Variants in GSTM2 observed in about 807,000 individuals in gnomAD.
The protein encoded by GSTM2 is glutathione S-transferase mu 2.
In GSTM2, 33 loss-of-function variants were observed where a neutral mutation model predicts 33.3. The observed-to-expected ratio is 0.99, with a 90% CI of 0.75 to 1.33. The LOEUF is 1.33. Ranked by LOEUF, GSTM2 falls within the 40% of genes most tolerant of loss-of-function variation. The pLI is 0.00. For missense variants in GSTM2, 213 were observed against 265.8 expected (o/e 0.80, Z 1.38); for synonymous variants, 93 against 95.6 (o/e 0.97, Z 0.16).
At chr1:109,669,623 C>T in intron 5 of GSTM2, 52 bp downstream of exon 5, 1 of 1,134,630 alleles carries the variant, frequency 8.8e-7, no homozygotes, top group South Asian at 1.3e-5. Flanking sequence ...CCCAGTCTCC[C>T]CTTTCCCTGC....
chr1:109,669,130 A>G, intron 3 of GSTM2, 141 bp downstream of exon 3: 4 of 1,261,676 alleles, frequency 3.2e-6, no homozygotes, highest in Admixed American at 1.7e-5. Flanking sequence ...CAGCCCTTGC[A>G]TGATGTTCTG....
At chr1:109,669,706 C>A in intron 5 of GSTM2, 135 bp downstream of exon 5, 1 of 634,230 alleles carries the variant, frequency 1.6e-6, no homozygotes, top group South Asian at 1.9e-5. Context: ...AAGCCGCGGT[C>A]CTACACGGTG....
chr1:109,677,825 C>T (rs1487036693), downstream of GSTM2, among the ~76,000 whole-genome samples: 1 of 152,190 alleles, frequency 6.6e-6, no homozygotes, highest in Non-Finnish European at 1.5e-5. Context: ...GGCCTGTGCA[C>T]TGCATGTGTA....
chr1:109,668,389 C>G, intron 1 of GSTM2, 36 bp from the exon 2 acceptor site: 4 of 1,606,350 alleles, frequency 2.5e-6, no homozygotes, highest in Non-Finnish European at 3.4e-6. Context: ...CAGGGACCCT[C>G]CATCTCTGAC....
At chr1:109,677,310 A>G (rs913965805), downstream of GSTM2, among the ~76,000 whole-genome samples, 2 of 152,212 alleles carry the variant, frequency 1.3e-5, no homozygotes, top group African/African-American at 4.8e-5. Flanking sequence ...ACCCTACAGG[A>G]ATGAGTCCTA....
intron 2 of GSTM2, 135 bp downstream of exon 2, chr1:109,668,635 T>G: frequency 2.8e-6 from 3 of 1,061,872 alleles, no homozygotes; most frequent in African/African-American, 1.6e-5. Context: ...TGAGCCCTGG[T>G]GAGGGAGCTC....
At chr1:109,668,758 G>A (rs1647421794) in intron 2 of GSTM2, 167 bp from the exon 3 acceptor site, 3 of 886,530 alleles carry the variant, frequency 3.4e-6, no homozygotes, top group East Asian at 2.6e-5. Context: ...GGGGTCCAGA[G>A]CCCTCACTGG....
intron 3 of GSTM2, 86 bp downstream of exon 3, chr1:109,669,075 A>T: frequency 1.4e-6 from 2 of 1,463,252 alleles, no homozygotes; most frequent in Non-Finnish European, 1.9e-6. Flanking sequence ...AGGTGTTAAG[A>T]TCAGGAGTCT....
intron 7 of GSTM2, chr1:109,673,262 T>C: frequency 6.2e-6 from 10 of 1,611,344 alleles, no homozygotes; most frequent in Non-Finnish European, 8.5e-6. Flanking sequence ...GACCTTCTCC[T>C]CTGCATGAGG....
At chr1:109,679,101 G>T (rs1364463450), downstream of GSTM2, among the ~76,000 whole-genome samples, 1 of 151,936 alleles carries the variant, frequency 6.6e-6, no homozygotes, top group East Asian at 1.9e-4. Context: ...AAGGTACACG[G>T]ATCATTCTGC....
chr1:109,670,229 T>C (rs1190351713), intron 5 of GSTM2: 1 of 152,380 alleles, frequency 6.6e-6, no homozygotes, highest in African/African-American at 2.4e-5. Context: ...TACAGAGTGC[T>C]GATTGGTGCG....
At chr1:109,671,710 G>C in intron 7 of GSTM2, 127 bp downstream of exon 7, 1 of 726,004 alleles carries the variant, frequency 1.4e-6, no homozygotes. Context: ...GCTCACGCCT[G>C]TAATCTCAGC....
chr1:109,669,813 G>T, intron 5 of GSTM2: 3 of 512,696 alleles, frequency 5.9e-6, no homozygotes, highest in Non-Finnish European at 1.0e-5. Flanking sequence ...TTGTGGTCTT[G>T]CTGACTTCAG....
At position 109,668,155 on chromosome 1, in the gene GSTM2, A is replaced by C. The variant is rs1647399952; in HGVS notation, c.36+4A>C. 6.2e-7 allele frequency: 1 copy of C among 1,608,800 alleles called. No individual in the cohort carries two copies. The highest frequency in any genetic ancestry group is 1.3e-5 in the African/African-American group (1 of 74,554). On this transcript the variant is annotated splice_donor_region_variant and intron_variant, in intron 1 of 7. Coordinates refer to ENST00000241337, the MANE Select transcript of GSTM2 (RefSeq NM_000848.4). ...GGGGTACTGGAACATCCGCGGGGTG[A>C]GCCAGGGTCCGCTGGGCGGTGGGAC...
At chr1:109,680,107 C>A (rs749148399), downstream of GSTM2, among the ~76,000 whole-genome samples, 4 of 152,046 alleles carry the variant, frequency 2.6e-5, no homozygotes, top group East Asian at 5.8e-4. Context: ...ATACCGCTGG[C>A]TTTCCTGCTT....
rs777147977 is a variant in GSTM2, at chr1:109,668,416, C to A, written c.37-9C>A. The A allele has an allele frequency of 6.2e-6, 10 of 1,613,758 alleles. No homozygotes were observed. The highest frequency in any genetic ancestry group is 7.6e-6 in the Non-Finnish European group (9 of 1,179,766). On this transcript the variant is annotated splice_polypyrimidine_tract_variant and intron_variant, in intron 1 of 7. Transcript: ENST00000241337. ...ATCTCTGACCCGAGCTGTGGGCCAT[C>A]TCTCCCAGCTGGCCCATTCCATCCG...
intron 5 of GSTM2, 155 bp from the exon 6 acceptor site, chr1:109,671,132 A>G: frequency 1.5e-6 from 1 of 645,912 alleles, no homozygotes; most frequent in Admixed American, 2.6e-5. Flanking sequence ...ATAAATGCTG[A>G]TGTATCCAGC....
rs752696139 is a variant in GSTM2, at chr1:109,671,352, G to A, written c.426G>A (p.Leu142=). ...PEMLKLYSQF[L]GKQPWFLGDK... ...TGCTGAAGCTCTACTCACAGTTTCTGGGGAAGCAGCCATGGTTTCTTGGGG... is the reference window on the plus strand; with the variant it reads ...TGCTGAAGCTCTACTCACAGTTTCTAGGGAAGCAGCCATGGTTTCTTGGGG... Residue 142 remains leucine, a synonymous_variant, in exon 6 of 8, where the codon CTG becomes CTA. Transcript: ENST00000241337. 3 of 1,614,026 alleles carry A rather than the reference G, an allele frequency of 1.9e-6. No homozygotes were observed. The highest frequency in any genetic ancestry group is 2.5e-6 in the Non-Finnish European group (3 of 1,179,838).
chr1:109,669,478 A>G lies in GSTM2; in HGVS notation c.267A>G (p.Glu89=), dbSNP rs747815815. ...TCTGCTTTACGAGGGTAGGCGGGGA[A>G]TCAGAAAAGGAGCAGATTCGCGAAG... is the stretch of plus-strand genomic sequence containing the variant. ...YIARKHNLCG[E]SEKEQIREDI... is the part of the protein sequence containing the mutation. Residue 89 remains glutamate, a synonymous_variant, in exon 5 of 8, where the codon GAA becomes GAG. Coordinates refer to ENST00000241337, the MANE Select transcript of GSTM2 (RefSeq NM_000848.4). 3 of 1,613,814 alleles carry G rather than the reference A, an allele frequency of 1.9e-6. No homozygotes were observed. The highest frequency in any genetic ancestry group is 1.1e-5 in the South Asian group (1 of 91,084).
Sources: allele counts gnomAD v4.1 joint callset (sites outside exome capture counted in the v4.1 genomes callset), GRCh38; gene constraint gnomAD v4.1.1; transcripts MANE v1.5; gene names NCBI Gene and HGNC (gene_info 2026-07-23, HGNC 2026-07-21).